LYRM1: variants seen among roughly 807,000 people sequenced by gnomAD.
LYRM1 encodes LYR motif containing 1.
LYRM1 carries 14 observed loss-of-function variants against 14.9 expected under a neutral mutation model. That is an observed-to-expected ratio of 0.94 (90% CI 0.62 to 1.47). The LOEUF (loss-of-function observed/expected upper bound fraction) is 1.47, where lower values mean the gene tolerates loss of function less well. Ranked by LOEUF, LYRM1 falls within the 40% of genes most tolerant of loss-of-function variation. The probability of loss-of-function intolerance (pLI) is 0.00; values close to 1 mark genes in which losing one functional copy is unlikely to be tolerated. For missense variants in LYRM1, 153 were observed against 149.9 expected (o/e 1.02, Z -0.11); for synonymous variants, 43 against 56.2 (o/e 0.77, Z 1.05).
chr16:20,915,904 C>G (rs1189294601), intron 2 of LYRM1, among the ~76,000 whole-genome samples, 190 bp downstream of exon 2: 1 of 152,204 alleles, frequency 6.6e-6, no homozygotes, highest in African/African-American at 2.4e-5. Flanking sequence ...TCTCTCTTCA[C>G]TTGTTCCAGG....
intron 1 of LYRM1, among the ~76,000 whole-genome samples, chr16:20,914,054 C>A (rs2082737290): frequency 6.6e-6 from 1 of 151,590 alleles, no homozygotes; most frequent in Admixed American, 6.6e-5. Flanking sequence ...GTGATCCACC[C>A]ACCTCAGCCT....
At position 20,924,102 on chromosome 16, in the gene LYRM1, G is replaced by A. The variant is rs762384412; in HGVS notation, c.355G>A (p.Asp119Asn). 2 of 1,591,740 alleles carry A rather than the reference G, an allele frequency of 1.3e-6. No homozygotes were observed. The highest frequency in any genetic ancestry group is 1.1e-5 in the South Asian group (1 of 89,200). Residue 119 changes from aspartate to asparagine, a missense_variant, in exon 4 of 4, where the codon GAT becomes AAT. Physicochemically the swap from Asp to Asn is conservative, Grantham distance 23. Transcript: ENST00000567954. ...CAAACCAGTATATCTCAGATCTCAT[G>A]ATGAAGTTTCCTAATCTAGAGGAAA... Reference protein sequence around the residue: ...LSKPVYLRSHDEVS With the variant: ...LSKPVYLRSHNEVS
rs759527874 is a variant in LYRM1 at position 20,915,700 on chromosome 16, C to G, written c.145C>G (p.Arg49Gly). 6.2e-7 allele frequency: 1 copy of G among 1,613,578 alleles called. No individual in the cohort carries two copies. The highest frequency in any genetic ancestry group is 1.7e-5 in the Admixed American group (1 of 59,920). Reference protein sequence around the residue: ...YILNEARTLFRKNKNLTDTDL... With the variant: ...YILNEARTLFGKNKNLTDTDL... ...ACTAAATGAAGCCAGAACGCTGTTC[C>G]GGAAAAACAAAAATGTAAGTAGGCC... The change falls in exon 2 of 4, where the codon CGG becomes GGG. Residue 49 changes from arginine (R) to glycine (G), a missense_variant. Physicochemically the swap from Arg to Gly is moderately radical, Grantham distance 125. Transcript: ENST00000567954.
chr16:20,916,088 T>TG (rs58497850), intron 2 of LYRM1, among the ~76,000 whole-genome samples: 92,916 of 151,388 alleles, frequency 0.61, 29,981 homozygotes, highest in Non-Finnish European at 0.73. Context: ...TGTTGTTTTT[T>TG]TTTTCAATTC....
intron 2 of LYRM1, among the ~76,000 whole-genome samples, chr16:20,918,795 C>T (rs1297156294): frequency 6.6e-6 from 1 of 152,200 alleles, no homozygotes; most frequent in Non-Finnish European, 1.5e-5. Context: ...ACATGGAACT[C>T]TTTTCCAACA....
chr16:20,901,892 T>C lies in LYRM1; in HGVS notation c.-1+1003T>C, dbSNP rs1297856652. 6.6e-6 allele frequency among the ~76,000 whole-genome samples: 1 copy of C among 152,122 alleles called. No individual in the cohort carries two copies. Among genetic ancestry groups the C allele is most frequent in the African/African-American group, 2.4e-5 (1 of 41,430 alleles). On this transcript the variant is annotated intron_variant, in intron 1 of 3. Coordinates refer to ENST00000567954, the MANE Select transcript of LYRM1 (RefSeq NM_001128302.3). This position sits in a 1 kb window ranked among gnomAD's most constrained non-coding sequence, Gnocchi z 4.6. ...TATAAACCCAGTACTTTGGGAGGCC[T>C]AGGCGGGCGGATCACGAGGTCAGGA...
chr16:20,919,366 C>T (rs1007564269), intron 2 of LYRM1, among the ~76,000 whole-genome samples: 38 of 151,986 alleles, frequency 2.5e-4, no homozygotes, highest in African/African-American at 8.0e-4. Flanking sequence ...CAGTCAGTGT[C>T]GGTGAGAATA....
chr16:20,920,181 TGGACTGC>T lies in LYRM1; in HGVS notation c.220_226del (p.Gly74IlefsTer31), dbSNP rs1413670795. 6.2e-7 allele frequency: 1 copy of T among 1,613,992 alleles called. No individual in the cohort carries two copies. Among genetic ancestry groups the T allele is most frequent in the Non-Finnish European group, 8.5e-7 (1 of 1,179,940 alleles). ...ATGAATGCACAGCCAGGATTGAAAT[TGGACTGC>T]ATTACAAGATTCCTTACCCAAGGCC... On this transcript the variant is annotated frameshift_variant, in exon 3 of 4. Coordinates refer to ENST00000567954, the MANE Select transcript of LYRM1 (RefSeq NM_001128302.3). LOFTEE classifies it high-confidence loss of function.
intron 1 of LYRM1, among the ~76,000 whole-genome samples, chr16:20,913,321 T>G (rs1040264296): frequency 6.7e-6 from 1 of 149,232 alleles, no homozygotes; most frequent in Non-Finnish European, 1.5e-5. Context: ...TTCTTTGTTT[T>G]TTTTTTTTTT....
At chr16:20,907,942 T>A (rs1314734740) in intron 1 of LYRM1, among the ~76,000 whole-genome samples, 1 of 152,232 alleles carries the variant, frequency 6.6e-6, no homozygotes, top group Non-Finnish European at 1.5e-5. Context: ...GGACCATGGC[T>A]GCTTATTTAT....
At chr16:20,906,072 C>G (rs909915995) in intron 1 of LYRM1, among the ~76,000 whole-genome samples, 2 of 152,128 alleles carry the variant, frequency 1.3e-5, no homozygotes, top group Non-Finnish European at 2.9e-5. Flanking sequence ...CCCAAATCTC[C>G]CCCTGCTCTC....
At chr16:20,919,323 A>G (rs1385797285) in intron 2 of LYRM1, among the ~76,000 whole-genome samples, 1 of 152,180 alleles carries the variant, frequency 6.6e-6, no homozygotes, top group Non-Finnish European at 1.5e-5. Context: ...TTTAAAGTTT[A>G]ATCAACATGA....
chr16:20,914,455 ATTTTTTTT>A (rs35172104), intron 1 of LYRM1, among the ~76,000 whole-genome samples: 5 of 132,222 alleles, frequency 3.8e-5, no homozygotes, highest in East Asian at 4.3e-4. Flanking sequence ...CACCTGGCTA[ATTTTTTTT>A]TTTTTTTTTT....
intron 3 of LYRM1, 45 bp downstream of exon 3, chr16:20,920,259 C>G (rs766449477): frequency 1.0e-5 from 14 of 1,363,426 alleles, no homozygotes; most frequent in Non-Finnish European, 1.5e-5. Context: ...TTACCCTCAT[C>G]AACCTGGTTA....
intron 1 of LYRM1, among the ~76,000 whole-genome samples, chr16:20,914,031 A>G (rs1464745807): frequency 2.6e-5 from 4 of 151,452 alleles, no homozygotes; most frequent in Admixed American, 1.3e-4. Context: ...GATGGTCTCA[A>G]TCTCCTGACC....
At chr16:20,922,479 TGAAAG>T (rs2083246665) in intron 3 of LYRM1, among the ~76,000 whole-genome samples, 1 of 152,120 alleles carries the variant, frequency 6.6e-6, no homozygotes, top group Non-Finnish European at 1.5e-5. Flanking sequence ...TAGATACGCC[TGAAAG>T]GAGTTTTTTT....
intron 1 of LYRM1, among the ~76,000 whole-genome samples, chr16:20,910,659 A>T (rs1474918827): frequency 1.3e-5 from 2 of 152,208 alleles, no homozygotes; most frequent in African/African-American, 2.4e-5. Flanking sequence ...CTGAGGTCCC[A>T]GCTACTCTGG....
Position 20,902,034 on chromosome 16 carries a change from C to A in LYRM1, c.-1+1145C>A, listed in dbSNP as rs115643597. 8.5e-3 allele frequency among the ~76,000 whole-genome samples: 1,290 copies of A among 152,282 alleles called. 29 individuals are homozygous for A. Among genetic ancestry groups the A allele is most frequent in the African/African-American group, 0.029 (1,221 of 41,558 alleles). ...TGCTACTCAGGAGAATCGCTTGAAC[C>A]CGGGAGGTGGAGGTTGCAGTGAGCC... On this transcript the variant is annotated intron_variant, in intron 1 of 3. Coordinates refer to ENST00000567954, the MANE Select transcript of LYRM1 (RefSeq NM_001128302.3).
intron 1 of LYRM1, 142 bp from the exon 2 acceptor site, chr16:20,915,414 T>C (rs898843967): frequency 1.9e-5 from 13 of 696,768 alleles, no homozygotes; most frequent in Middle Eastern, 4.4e-4. Flanking sequence ...GAGCCGAGAT[T>C]GCACCACTGC....
Sources: gnomAD v4.1 joint callset for allele counts (sites outside exome capture counted in the v4.1 genomes callset) on GRCh38, gnomAD v4.1.1 for gene constraint, Gnocchi (gnomAD v3.1) non-coding constraint, MANE v1.5 for transcripts, NCBI Gene and HGNC (gene_info 2026-07-23, HGNC 2026-07-21) for gene names.